ADGRA3: variants seen among roughly 807,000 people sequenced by gnomAD.
ADGRA3 encodes adhesion G protein-coupled receptor A3, also known as G-protein coupled receptor 125.
In ADGRA3, 56 loss-of-function variants were observed where a neutral mutation model predicts 119.8. The observed-to-expected ratio is 0.47, with a 90% CI of 0.38 to 0.58. The LOEUF (loss-of-function observed/expected upper bound fraction) is 0.58. Ranked by LOEUF, ADGRA3 falls within the 20% of genes least tolerant of loss-of-function variation. The probability of loss-of-function intolerance (pLI) is 0.00; values close to 1 mark genes in which losing one functional copy is unlikely to be tolerated. For synonymous variants in ADGRA3, 607 were observed against 623.8 expected, an observed-to-expected ratio of 0.97 and a Z score of 0.40; for missense variants, 1,516 against 1,649.0, an observed-to-expected ratio of 0.92 and a Z score of 1.40.
At chr4:22,471,037 T>C (rs568968945) in intron 2 of ADGRA3, among the ~76,000 whole-genome samples, 10 of 152,246 alleles carry the variant, frequency 6.6e-5, no homozygotes, top group African/African-American at 2.4e-4. Context: ...GAGCCAAGAA[T>C]GTTCTCAGGC....
chr4:22,514,585 G>A (rs1193204592), intron 1 of ADGRA3: 1 of 151,970 alleles, frequency 6.6e-6, no homozygotes, highest in Admixed American at 6.6e-5. Flanking sequence ...CTTTTTTTAG[G>A]AAACCAACCA....
At chr4:22,406,586 T>C (rs1478235067) in intron 14 of ADGRA3, among the ~76,000 whole-genome samples, 1 of 152,188 alleles carries the variant, frequency 6.6e-6, no homozygotes, top group African/African-American at 2.4e-5. Context: ...ATACACCTGT[T>C]GGTCATTTGT....
intron 1 of ADGRA3, among the ~76,000 whole-genome samples, chr4:22,512,004 C>A (rs939774915): frequency 1.4e-5 from 2 of 147,348 alleles, no homozygotes; most frequent in Admixed American, 1.4e-4. Flanking sequence ...TCAAGCGATT[C>A]TCCTGCCTGC....
intron 7 of ADGRA3, among the ~76,000 whole-genome samples, chr4:22,440,694 A>G (rs1204511732): frequency 6.6e-6 from 1 of 152,190 alleles, no homozygotes; most frequent in Non-Finnish European, 1.5e-5. Flanking sequence ...TTAGAGTTCT[A>G]AATTAATCAA....
At chr4:22,400,670 TTACAGAG>T (rs1224386971) in intron 16 of ADGRA3, among the ~76,000 whole-genome samples, 2 of 152,122 alleles carry the variant, frequency 1.3e-5, no homozygotes, top group African/African-American at 2.4e-5. Context: ...AACAATTTGT[TTACAGAG>T]ATCACATGTT....
chr4:22,413,155 T>C, intron 14 of ADGRA3, 27 bp downstream of exon 14: 1 of 1,514,486 alleles, frequency 6.6e-7, no homozygotes, highest in Non-Finnish European at 9.2e-7. Context: ...GAATAGTGTT[T>C]ATGCATAAAG....
chr4:22,433,815 A>G (rs1352444988), intron 10 of ADGRA3, among the ~76,000 whole-genome samples: 4 of 152,192 alleles, frequency 2.6e-5, no homozygotes, highest in Non-Finnish European at 2.9e-5. Context: ...ATATAATCAC[A>G]GAGCCAGAAC....
intron 1 of ADGRA3, among the ~76,000 whole-genome samples, chr4:22,507,028 G>GAGATCTCGTT (rs1719262677): frequency 6.6e-6 from 1 of 151,838 alleles, no homozygotes; most frequent in Admixed American, 6.6e-5. Flanking sequence ...ACGAGGTCAG[G>GAGATCTCGTT]AGCTGGAGAG....
chr4:22,495,010 A>G (rs1718761075), intron 1 of ADGRA3, among the ~76,000 whole-genome samples: 1 of 152,034 alleles, frequency 6.6e-6, no homozygotes, highest in Non-Finnish European at 1.5e-5. Flanking sequence ...GATTAAAAAC[A>G]ATAACTAAAT....
At position 22,413,614 on chromosome 4, in the gene ADGRA3, A is replaced by T; in HGVS notation, c.2010T>A (p.Ile670=). ...CCACATACAAACCTATTTTGGTGAG[A>T]ATCACAGGGGTAACCACAGTACGTC... The part of the protein sequence containing the change: ...GKRRTVVTPV[I]LTKIDGVNVD... The change falls in exon 13 of 19, where the codon ATT becomes ATA. Residue 670 remains isoleucine (I), a synonymous_variant. Transcript: ENST00000334304. 6.2e-7 allele frequency: 1 copy of T among 1,613,850 alleles called. No individual in the cohort carries two copies. The highest frequency in any genetic ancestry group is 8.5e-7 in the Non-Finnish European group (1 of 1,179,768).
At chr4:22,500,280 G>A (rs183870036) in intron 1 of ADGRA3, among the ~76,000 whole-genome samples, 1 of 152,302 alleles carries the variant, frequency 6.6e-6, no homozygotes, top group East Asian at 1.9e-4. Context: ...AAGGCCAGAA[G>A]CCAGGCCCAG....
At chr4:22,428,129 G>A (rs1841826) in intron 10 of ADGRA3, among the ~76,000 whole-genome samples, 101,144 of 151,960 alleles carry the variant, frequency 0.67, 34,430 homozygotes, top group Non-Finnish European at 0.74. Context: ...AAGATAATAC[G>A]TAAACTAAAC....
intron 14 of ADGRA3, among the ~76,000 whole-genome samples, chr4:22,404,738 G>GT (rs201599104): frequency 0.022 from 3,340 of 152,274 alleles, 118 homozygotes; most frequent in African/African-American, 0.076. Context: ...TGAGATGCCC[G>GT]TAACACTAGC....
chr4:22,491,920 TAAC>T (rs1430550635), intron 1 of ADGRA3, among the ~76,000 whole-genome samples: 2 of 152,346 alleles, frequency 1.3e-5, no homozygotes, highest in Middle Eastern at 3.4e-3. Flanking sequence ...GTTGGGGGAA[TAAC>T]ATTTGACTTA....
intron 1 of ADGRA3, among the ~76,000 whole-genome samples, chr4:22,479,049 C>T (rs781529965): frequency 6.6e-6 from 1 of 151,902 alleles, no homozygotes; most frequent in East Asian, 1.9e-4. Flanking sequence ...AAACAAAAAA[C>T]CTCCCCAATA....
chr4:22,450,808 G>A (rs1406955905), intron 4 of ADGRA3, among the ~76,000 whole-genome samples: 1 of 151,776 alleles, frequency 6.6e-6, no homozygotes, highest in Non-Finnish European at 1.5e-5. Flanking sequence ...TGACAAGCAT[G>A]AACTAAATCA....
At chr4:22,513,054 C>G (rs777637310) in intron 1 of ADGRA3, among the ~76,000 whole-genome samples, 1 of 152,092 alleles carries the variant, frequency 6.6e-6, no homozygotes, top group Non-Finnish European at 1.5e-5. Context: ...CTAACTCTTT[C>G]CCCAGTAAAA....
At chr4:22,505,320 C>T (rs1490884441) in intron 1 of ADGRA3, among the ~76,000 whole-genome samples, 1 of 152,158 alleles carries the variant, frequency 6.6e-6, no homozygotes, top group Admixed American at 6.5e-5. Context: ...TTAAAACCGT[C>T]TTGCAAATTC....
intron 14 of ADGRA3, among the ~76,000 whole-genome samples, chr4:22,408,274 AAAC>A (rs1020833857): frequency 9.2e-5 from 14 of 152,154 alleles, no homozygotes; most frequent in Non-Finnish European, 1.8e-4. Flanking sequence ...GCATTAACTA[AAAC>A]AACAACAACA....
Sources: gnomAD v4.1 joint callset for allele counts (sites outside exome capture counted in the v4.1 genomes callset) on GRCh38, gnomAD v4.1.1 for gene constraint, MANE v1.5 for transcripts, NCBI Gene and HGNC (gene_info 2026-07-23, HGNC 2026-07-21) for gene names.